Variants in LYPLAL1 observed in about 807,000 individuals in gnomAD.
The protein encoded by LYPLAL1 is lysophospholipase like 1, also known as lysophospholipase-like protein 1.
LYPLAL1 carries 23 observed loss-of-function variants against 19.7 expected under a neutral mutation model. The observed-to-expected ratio is 1.17, with a 90% confidence interval of 0.84 to 1.65. The LOEUF (loss-of-function observed/expected upper bound fraction) is 1.65. Among genes scored for constraint, LYPLAL1 ranks in the 40% most tolerant of loss-of-function variants. LYPLAL1 has a pLI of 0.00. For missense variants in LYPLAL1, 355 were observed against 279.4 expected (o/e 1.27, Z -1.93); for synonymous variants, 119 against 96.3 (o/e 1.24, Z -1.38).
the LYPLAL1 span, among the ~76,000 whole-genome samples, chr1:219,255,316 A>C: frequency 9.0e-4 from 137 of 151,858 alleles, 1 homozygote; most frequent in African/African-American, 3.3e-3. Flanking sequence ...TTGAATGTAG[A>C]GATCTTGTAC....
At chr1:219,325,255 A>G in the LYPLAL1 span, among the ~76,000 whole-genome samples, 151,098 of 152,260 alleles carry the variant, frequency 0.99, 74,990 homozygotes, top group Middle Eastern at 1. Flanking sequence ...TGCGTTTCTC[A>G]GTTAACCACA....
intron 1 of LYPLAL1, among the ~76,000 whole-genome samples, chr1:219,176,115 A>G (rs1655790045): frequency 6.6e-6 from 1 of 152,256 alleles, no homozygotes; most frequent in Non-Finnish European, 1.5e-5. Flanking sequence ...ATAGAAGAAC[A>G]TATGGGAGTG....
chr1:219,177,321 C>T (rs1177052525), intron 1 of LYPLAL1, among the ~76,000 whole-genome samples: 2 of 152,128 alleles, frequency 1.3e-5, no homozygotes, highest in African/African-American at 4.8e-5. Context: ...TTTTGTGGGC[C>T]ATGTAAGGTC....
the LYPLAL1 span, among the ~76,000 whole-genome samples, chr1:219,357,891 A>G: frequency 6.6e-6 from 1 of 152,332 alleles, no homozygotes; most frequent in Admixed American, 6.5e-5. Context: ...AAAGACATGG[A>G]TAGATCTTAA....
chr1:219,433,067 C>G, the LYPLAL1 span, among the ~76,000 whole-genome samples: 1 of 152,158 alleles, frequency 6.6e-6, no homozygotes. Flanking sequence ...GTAGCCGTCT[C>G]TGGGTTTTCT....
At chr1:219,391,116 T>C in the LYPLAL1 span, among the ~76,000 whole-genome samples, 1 of 152,184 alleles carries the variant, frequency 6.6e-6, no homozygotes, top group Non-Finnish European at 1.5e-5. Context: ...GAATAAAAGG[T>C]AAAAATTTGT....
At chr1:219,225,422 A>G in the LYPLAL1 span, 1 of 152,204 alleles carries the variant, frequency 6.6e-6, no homozygotes, top group Non-Finnish European at 1.5e-5. Flanking sequence ...GATCTTTAAA[A>G]AATGACTTTT....
chr1:219,272,035 T>C, the LYPLAL1 span: 1 of 152,402 alleles, frequency 6.6e-6, no homozygotes. Context: ...TTGCAGTCCC[T>C]GTTGGGGTGT....
At chr1:219,377,384 G>C in the LYPLAL1 span, among the ~76,000 whole-genome samples, 2 of 152,164 alleles carry the variant, frequency 1.3e-5, no homozygotes, top group African/African-American at 4.8e-5. Context: ...TTCAGTTTGA[G>C]AAGATAAAAA....
chr1:219,384,024 TCC>T, the LYPLAL1 span, among the ~76,000 whole-genome samples: 6 of 152,132 alleles, frequency 3.9e-5, no homozygotes, highest in African/African-American at 1.4e-4. Flanking sequence ...CCCCTCTCCT[TCC>T]CTACTGTTTT....
chr1:219,313,807 T>C, the LYPLAL1 span, among the ~76,000 whole-genome samples: 1 of 152,180 alleles, frequency 6.6e-6, no homozygotes, highest in South Asian at 2.1e-4. Flanking sequence ...AGTGCTGGGA[T>C]TACAGGCATG....
intron 2 of LYPLAL1, among the ~76,000 whole-genome samples, chr1:219,190,947 T>C (rs1657131207): frequency 6.6e-6 from 1 of 151,566 alleles, no homozygotes; most frequent in South Asian, 2.1e-4. Context: ...GAATGTTCTG[T>C]ATCATTGTGG....
chr1:219,276,246 G>A, the LYPLAL1 span, among the ~76,000 whole-genome samples: 1 of 152,084 alleles, frequency 6.6e-6, no homozygotes, highest in Non-Finnish European at 1.5e-5. Flanking sequence ...CTGTGACAGG[G>A]TAAAAGAGTT....
At chr1:219,223,320 A>G in the LYPLAL1 span, 2 of 152,170 alleles carry the variant, frequency 1.3e-5, no homozygotes, top group African/African-American at 4.8e-5. Flanking sequence ...TTTATTGCCC[A>G]GTAAACCATA....
At chr1:219,293,635 C>G in the LYPLAL1 span, among the ~76,000 whole-genome samples, 3 of 152,314 alleles carry the variant, frequency 2.0e-5, no homozygotes, top group South Asian at 4.1e-4. Context: ...AGGCTGATTA[C>G]AAAACACGAA....
the LYPLAL1 span, among the ~76,000 whole-genome samples, chr1:219,360,786 G>T: frequency 6.6e-6 from 1 of 152,144 alleles, no homozygotes; most frequent in Non-Finnish European, 1.5e-5. Flanking sequence ...AGTTTCAAAA[G>T]CATGCTCCCT....
chr1:219,218,026 T>C, the LYPLAL1 span, among the ~76,000 whole-genome samples: 249 of 152,158 alleles, frequency 1.6e-3, 2 homozygotes, highest in African/African-American at 5.8e-3. Flanking sequence ...TATAACAGGC[T>C]TTATTACTTT....
the LYPLAL1 span, among the ~76,000 whole-genome samples, chr1:219,413,124 A>G: frequency 1.3e-5 from 2 of 152,220 alleles, no homozygotes; most frequent in Non-Finnish European, 2.9e-5. Flanking sequence ...TGTGTTGAAG[A>G]AAAATTTCTT....
the LYPLAL1 span, among the ~76,000 whole-genome samples, chr1:219,329,073 C>T: frequency 0.65 from 98,647 of 151,068 alleles, 32,611 homozygotes; most frequent in East Asian, 0.87. Context: ...TCTTTTTTTT[C>T]TGTTCCTTCT....
Sources: allele counts gnomAD v4.1 joint callset (sites outside exome capture counted in the v4.1 genomes callset), GRCh38; gene constraint gnomAD v4.1.1; transcripts MANE v1.5; gene names NCBI Gene and HGNC (gene_info 2026-07-23, HGNC 2026-07-21).